ZPBP: variants seen among roughly 807,000 people sequenced by gnomAD.
ZPBP encodes zona pellucida-binding protein 1.
Under a neutral mutation model 44.8 loss-of-function variants are expected in ZPBP, and 26 were observed. The observed-to-expected ratio is 0.58, with a 90% CI of 0.43 to 0.81. The LOEUF is 0.81. Among genes scored for constraint, ZPBP ranks in the 30% least tolerant of loss-of-function variants. The pLI is 0.00. For synonymous variants in ZPBP, 174 were observed against 153.2 expected (o/e 1.14, Z -1.00); for missense variants, 409 against 434.0 (o/e 0.94, Z 0.51).
chr7:49,962,718 ATAAAGAAAAATCC>A (rs1236368457), intron 7 of ZPBP, among the ~76,000 whole-genome samples: 2 of 151,934 alleles, frequency 1.3e-5, no homozygotes, highest in African/African-American at 4.8e-5. Flanking sequence ...GATTAGGTAT[ATAAAGAAAAATCC>A]TAAAAATCAA....
chr7:50,079,736 T>C (rs899594103), intron 3 of ZPBP, among the ~76,000 whole-genome samples: 2 of 151,686 alleles, frequency 1.3e-5, no homozygotes, highest in Non-Finnish European at 3.0e-5. Flanking sequence ...ATGGCAACTA[T>C]GTAAGGTAAA....
chr7:50,055,011 T>G (rs1227321352), intron 4 of ZPBP, among the ~76,000 whole-genome samples: 2 of 152,190 alleles, frequency 1.3e-5, no homozygotes, highest in Non-Finnish European at 2.9e-5. Context: ...ACTGAGGTTC[T>G]CATCTATTAT....
intron 2 of ZPBP, among the ~76,000 whole-genome samples, chr7:50,087,381 G>T (rs182098863): frequency 2.4e-4 from 36 of 152,156 alleles, no homozygotes; most frequent in African/African-American, 8.4e-4. Flanking sequence ...TCAATGTGAT[G>T]CATCATATTA....
chr7:49,890,407 CATAT>C (rs1243537663), intron 2 of ZPBP, among the ~76,000 whole-genome samples: 1 of 152,142 alleles, frequency 6.6e-6, no homozygotes, highest in Non-Finnish European at 1.5e-5. Context: ...GAAAGGAATG[CATAT>C]ATAAGATTGC....
chr7:49,890,730 CAAAA>C (rs150953956), intron 2 of ZPBP, among the ~76,000 whole-genome samples: 1 of 145,560 alleles, frequency 6.9e-6, no homozygotes, highest in African/African-American at 2.5e-5. Flanking sequence ...CAAAGCAAAA[CAAAA>C]AAAAAAAAAA....
chr7:50,069,660 T>A (rs752425435), intron 3 of ZPBP, among the ~76,000 whole-genome samples: 22 of 152,278 alleles, frequency 1.4e-4, no homozygotes, highest in Admixed American at 2.0e-4. Flanking sequence ...TCTTTTTTTT[T>A]AAATTCTTTA....
chr7:49,862,146 A>G (rs1466182212), intron 2 of ZPBP, among the ~76,000 whole-genome samples: 1 of 152,110 alleles, frequency 6.6e-6, no homozygotes, highest in East Asian at 1.9e-4. Context: ...TGTTTTCTTT[A>G]ATTTCTTTAA....
chr7:49,909,600 G>T (rs1356404312), intron 1 of ZPBP, among the ~76,000 whole-genome samples: 3 of 152,170 alleles, frequency 2.0e-5, no homozygotes, highest in African/African-American at 7.2e-5. Context: ...ATGGATATGT[G>T]ACACTGGGCT....
intron 5 of ZPBP, among the ~76,000 whole-genome samples, chr7:50,024,099 C>T (rs540853293): frequency 7.9e-5 from 12 of 152,014 alleles, no homozygotes; most frequent in African/African-American, 2.9e-4. Flanking sequence ...CAAATGAAAA[C>T]CACAATGGGA....
intron 7 of ZPBP, among the ~76,000 whole-genome samples, chr7:49,945,569 T>G (rs1488682755): frequency 6.6e-6 from 1 of 152,176 alleles, no homozygotes; most frequent in South Asian, 2.1e-4. Flanking sequence ...TATATCCTCT[T>G]GCTGAATTGA....
At chr7:50,006,432 T>C (rs1798315392) in intron 6 of ZPBP, among the ~76,000 whole-genome samples, 1 of 152,096 alleles carries the variant, frequency 6.6e-6, no homozygotes, top group Non-Finnish European at 1.5e-5. Context: ...CCAATCAATT[T>C]TCCGTTTCTA....
the ZPBP span, among the ~76,000 whole-genome samples, chr7:49,842,456 C>T: frequency 6.6e-6 from 1 of 152,010 alleles, no homozygotes; most frequent in Non-Finnish European, 1.5e-5. Flanking sequence ...AACCTAAAAC[C>T]TTAGAGATAA....
At chr7:49,858,969 T>A (rs1790539672) in intron 2 of ZPBP, among the ~76,000 whole-genome samples, 1 of 152,216 alleles carries the variant, frequency 6.6e-6, no homozygotes, top group Non-Finnish European at 1.5e-5. Context: ...TCAGAATATG[T>A]CAGGATATAT....
chr7:49,890,849 C>T (rs1294795783), intron 2 of ZPBP, among the ~76,000 whole-genome samples: 2 of 151,864 alleles, frequency 1.3e-5, no homozygotes, highest in South Asian at 2.1e-4. Context: ...CTTTAAGATT[C>T]TTTTAAGATT....
intron 3 of ZPBP, among the ~76,000 whole-genome samples, chr7:50,076,109 C>T (rs1468594445): frequency 6.6e-6 from 1 of 151,796 alleles, no homozygotes; most frequent in Admixed American, 6.6e-5. Context: ...TATACCAAAT[C>T]AATCAGCGTG....
At chr7:49,924,758 G>C (rs929897598) in intron 1 of ZPBP, among the ~76,000 whole-genome samples, 1 of 152,132 alleles carries the variant, frequency 6.6e-6, no homozygotes, top group South Asian at 2.1e-4. Flanking sequence ...AAAAACCCTT[G>C]ACATAATACA....
intron 4 of ZPBP, among the ~76,000 whole-genome samples, chr7:50,034,335 C>A (rs544861314): frequency 6.6e-6 from 1 of 151,928 alleles, no homozygotes; most frequent in East Asian, 1.9e-4. Context: ...TCCTAAAGCC[C>A]CCTGCAAGTT....
Position 50,069,803 on chromosome 7 carries a change from C to G in ZPBP, c.335-11662G>C, listed in dbSNP as rs191890048. 1.6e-3 allele frequency among the ~76,000 whole-genome samples: 244 copies of G among 152,210 alleles called. 3 individuals are homozygous for G. Among genetic ancestry groups the G allele is most frequent in the African/African-American group, 5.5e-3 (228 of 41,522 alleles). ...TACAGGAGTTTCAGACACTGCTCAG[C>G]CAGGAACGTGCCTTCCCCTGTCATA... On this transcript the variant is annotated intron_variant, in intron 3 of 7. Transcript: ENST00000046087.
chr7:49,984,515 C>T (rs1797162263), intron 6 of ZPBP, among the ~76,000 whole-genome samples: 1 of 152,144 alleles, frequency 6.6e-6, no homozygotes, highest in Non-Finnish European at 1.5e-5. Flanking sequence ...TGGGATGAAA[C>T]TGTTCTACTT....
Sources: allele counts gnomAD v4.1 joint callset (sites outside exome capture counted in the v4.1 genomes callset), GRCh38; gene constraint gnomAD v4.1.1; transcripts MANE v1.5; gene names NCBI Gene and HGNC (gene_info 2026-07-23, HGNC 2026-07-21).